FARS2: variants seen among roughly 807,000 people sequenced by gnomAD.
FARS2 encodes phenylalanyl-tRNA synthetase 2, mitochondrial.
Under a neutral mutation model 46.4 loss-of-function variants are expected in FARS2, and 40 were observed. The ratio of observed to expected loss-of-function variants is 0.86; its 90% confidence interval spans 0.67 to 1.12. The LOEUF (loss-of-function observed/expected upper bound fraction) is 1.12. Among genes scored for constraint, FARS2 ranks in the 50% most tolerant of loss-of-function variants. The pLI is 0.00. For synonymous variants in FARS2, 234 were observed against 214.9 expected (o/e 1.09, Z -0.78); for missense variants, 513 against 567.9 (o/e 0.90, Z 0.98).
intron 6 of FARS2, among the ~76,000 whole-genome samples, chr6:5,734,985 T>G (rs1050833114): frequency 1.3e-5 from 2 of 152,218 alleles, no homozygotes; most frequent in African/African-American, 4.8e-5. Context: ...CCCAATAAAC[T>G]AAGCAGCTTT....
intron 6 of FARS2, among the ~76,000 whole-genome samples, chr6:5,749,933 A>T (rs1761851357): frequency 6.6e-6 from 1 of 152,152 alleles, no homozygotes; most frequent in African/African-American, 2.4e-5. Flanking sequence ...TGGGAGGCTG[A>T]GGATATTGGG....
chr6:5,361,788 G>A lies in FARS2; in HGVS notation c.-21-6762G>A, dbSNP rs371247250. ...CTTTTGTCTAGTGGTGACCATATATGGGTTATGCCTGCTCACCATTGGCTA... is the reference window on the plus strand; with the variant it reads ...CTTTTGTCTAGTGGTGACCATATATAGGTTATGCCTGCTCACCATTGGCTA... On this transcript the variant is annotated intron_variant, in intron 1 of 6. Transcript: ENST00000274680. 4.8e-4 allele frequency among the ~76,000 whole-genome samples: 73 copies of A among 152,252 alleles called. No individual in the cohort carries two copies. In the South Asian group the frequency reaches 0.012, roughly 26 times the overall value.
chr6:5,433,306 G>C (rs1453582718), intron 4 of FARS2, among the ~76,000 whole-genome samples: 2 of 152,216 alleles, frequency 1.3e-5, no homozygotes, highest in African/African-American at 4.8e-5. Context: ...GCTTAGCAAA[G>C]GGTCTGGCAC....
At chr6:5,671,030 C>T (rs1248732569) in intron 6 of FARS2, among the ~76,000 whole-genome samples, 1 of 152,150 alleles carries the variant, frequency 6.6e-6, no homozygotes, top group Non-Finnish European at 1.5e-5. Flanking sequence ...TCAGTGAACT[C>T]ATTACAGTAA....
intron 6 of FARS2, among the ~76,000 whole-genome samples, chr6:5,734,840 T>A (rs1760854027): frequency 6.6e-6 from 1 of 152,220 alleles, no homozygotes; most frequent in African/African-American, 2.4e-5. Flanking sequence ...CATACATGCA[T>A]ACATACAATC....
intron 2 of FARS2, among the ~76,000 whole-genome samples, chr6:5,381,400 C>CAT: frequency 7.8e-6 from 1 of 128,160 alleles, no homozygotes; most frequent in Admixed American, 7.8e-5. Flanking sequence ...CACACACACA[C>CAT]ACACATACAC....
At chr6:5,310,319 T>G (rs887919016) in intron 1 of FARS2, among the ~76,000 whole-genome samples, 1 of 151,670 alleles carries the variant, frequency 6.6e-6, no homozygotes, top group East Asian at 1.9e-4. Context: ...AATTTTGGAG[T>G]GGTGAAGGCC....
At chr6:5,422,458 T>A (rs1477893771) in intron 3 of FARS2, among the ~76,000 whole-genome samples, 1 of 152,090 alleles carries the variant, frequency 6.6e-6, no homozygotes, top group Non-Finnish European at 1.5e-5. Context: ...GTCTCATGAG[T>A]GTGCTTTGTG....
chr6:5,660,778 T>C (rs1777817032), intron 6 of FARS2, among the ~76,000 whole-genome samples: 1 of 151,940 alleles, frequency 6.6e-6, no homozygotes, highest in African/African-American at 2.4e-5. Flanking sequence ...AAAAGAAATC[T>C]ATGGATCAGA....
rs754177642 is a variant in FARS2 at position 5,609,901 on chromosome 6, G to A, written c.1066-3268G>A. On this transcript the variant is annotated intron_variant, in intron 5 of 6. Coordinates refer to ENST00000274680, the MANE Select transcript of FARS2 (RefSeq NM_006567.5). Reference sequence around the variant, plus strand: ...AAATGCCTTTTTCACAGTTAAGTGGGCATCTGGTGTTTGAGAATCTTCTCT... The same window carrying A: ...AAATGCCTTTTTCACAGTTAAGTGGACATCTGGTGTTTGAGAATCTTCTCT... The A allele has an allele frequency of 4.1e-4, 422 of 1,024,446 alleles. 1 individual carries two copies. Among genetic ancestry groups the A allele is most frequent in the Non-Finnish European group, 5.2e-4 (345 of 658,426 alleles). 63.5% of individuals were successfully genotyped at this position (1,024,446 alleles called of 1,614,324 possible).
At chr6:5,602,340 A>G (rs775327443) in intron 5 of FARS2, among the ~76,000 whole-genome samples, 1 of 152,196 alleles carries the variant, frequency 6.6e-6, no homozygotes, top group Non-Finnish European at 1.5e-5. Context: ...ATTTTTATTC[A>G]GTCATGGAAC....
intron 1 of FARS2, among the ~76,000 whole-genome samples, chr6:5,324,466 T>A (rs929485350): frequency 6.8e-5 from 10 of 147,868 alleles, no homozygotes; most frequent in African/African-American, 1.7e-4. Context: ...TTTTTTTTTT[T>A]AACCAAGACG....
chr6:5,627,328 CT>C (rs1319704962), intron 6 of FARS2, among the ~76,000 whole-genome samples: 1 of 152,194 alleles, frequency 6.6e-6, no homozygotes, highest in Non-Finnish European at 1.5e-5. Flanking sequence ...TTTGCTTTCA[CT>C]TTCCCCTAAA....
At chr6:5,316,747 A>G (rs1342386114) in intron 1 of FARS2, among the ~76,000 whole-genome samples, 1 of 152,194 alleles carries the variant, frequency 6.6e-6, no homozygotes, top group Non-Finnish European at 1.5e-5. Context: ...CAAAAATCCT[A>G]CTTGTTTCTG....
chr6:5,302,088 T>C (rs925870059), intron 1 of FARS2, among the ~76,000 whole-genome samples: 16 of 152,196 alleles, frequency 1.1e-4, no homozygotes, highest in Admixed American at 5.2e-4. Flanking sequence ...AGACTCCAGG[T>C]GACAGTCTTC....
intron 6 of FARS2, among the ~76,000 whole-genome samples, chr6:5,654,058 C>G (rs973920668): frequency 6.6e-6 from 1 of 152,194 alleles, no homozygotes; most frequent in African/African-American, 2.4e-5. Flanking sequence ...CAGGACATCA[C>G]TAGTAGAGTC....
intron 6 of FARS2, among the ~76,000 whole-genome samples, chr6:5,656,562 T>TGGTCTGTATGTATATATTTATTTATTTA (rs55849729): frequency 0.4 from 61,000 of 151,832 alleles, 12,679 homozygotes; most frequent in Middle Eastern, 0.54. Context: ...TCTTTGTTTT[T>TGGTCTGTATGTATATATTTATTTATTTA]TTTTTGGAGA....
chr6:5,273,909 T>C (rs780161611), intron 1 of FARS2, among the ~76,000 whole-genome samples: 5 of 152,238 alleles, frequency 3.3e-5, no homozygotes, highest in Non-Finnish European at 7.3e-5. Flanking sequence ...CCCCATTGTA[T>C]GTTCTCAACA....
intron 1 of FARS2, among the ~76,000 whole-genome samples, chr6:5,333,370 C>T (rs1014472681): frequency 1.1e-4 from 17 of 152,146 alleles, no homozygotes; most frequent in Admixed American, 6.5e-5. Context: ...AGTCAAGATG[C>T]AGTCAGAATT....
Sources: gnomAD v4.1 joint callset for allele counts (sites outside exome capture counted in the v4.1 genomes callset) on GRCh38, gnomAD v4.1.1 for gene constraint, MANE v1.5 for transcripts, NCBI Gene and HGNC (gene_info 2026-07-23, HGNC 2026-07-21) for gene names.